G3BP1: variants seen among roughly 807,000 people sequenced by gnomAD.
The protein encoded by G3BP1 is ras GTPase-activating protein-binding protein 1.
G3BP1 carries 35 observed loss-of-function variants against 58.6 expected under a neutral mutation model. That is an observed-to-expected ratio of 0.60 (90% CI 0.46 to 0.79). The LOEUF (loss-of-function observed/expected upper bound fraction) is 0.79, where lower values mean the gene tolerates loss of function less well. G3BP1 is among the 30% of genes least tolerant of loss of function. The pLI is 0.00. For synonymous variants in G3BP1, 191 were observed against 195.4 expected, an observed-to-expected ratio of 0.98 and a Z score of 0.19; for missense variants, 523 against 580.8, an observed-to-expected ratio of 0.90 and a Z score of 1.02.
intron 1 of G3BP1, among the ~76,000 whole-genome samples, chr5:151,785,182 AGGATCTAGATTGTTACT>A (rs1762537066): frequency 6.6e-6 from 1 of 152,216 alleles, no homozygotes. Flanking sequence ...TCTAAGACTT[AGGATCTAGATTGTTACT>A]GATATGCTCA....
intron 2 of G3BP1, 55 bp downstream of exon 2, chr5:151,786,770 A>G (rs1332439606): frequency 1.1e-5 from 11 of 1,003,634 alleles, no homozygotes; most frequent in Non-Finnish European, 1.6e-5. Context: ...TGTGGTACTT[A>G]TCTTTGAGAT....
At chr5:151,788,144 G>C (rs1229123945) in intron 2 of G3BP1, among the ~76,000 whole-genome samples, 2 of 151,838 alleles carry the variant, frequency 1.3e-5, no homozygotes. Context: ...GAACTCCTGG[G>C]CTCAAGCAAT....
Position 151,792,198 on chromosome 5 carries a change from CA to C in G3BP1, c.351+1138del, listed in dbSNP as rs1465097654. ...TTCTTCCGGATTGGTCTAGACTGAA[CA>C]AGGTTAGGAATCCTGTCTGCTTAAG... is the stretch of plus-strand genomic sequence containing the variant. On this transcript the variant is annotated intron_variant, in intron 4 of 11. Transcript: ENST00000356245. 3.4e-5 allele frequency: 15 copies of C among 444,294 alleles called. No homozygotes were observed. In the Admixed American group the frequency reaches 3.7e-4, roughly 11 times the overall value. 27.5% of individuals were successfully genotyped at this position (444,294 alleles called of 1,614,324 possible). A position where few individuals can be genotyped will look rare whatever the true frequency, so the allele number is the denominator to read the frequency against.
intron 9 of G3BP1, 33 bp downstream of exon 9, chr5:151,800,033 G>C (rs780588680): frequency 4.3e-6 from 6 of 1,391,914 alleles, no homozygotes; most frequent in Non-Finnish European, 5.1e-6. Context: ...TCTCGTTTGG[G>C]GGATTTTGAG....
rs568593109 is a variant in G3BP1, at chr5:151,779,012, C to T, written c.-50+6976C>T. ...GTGGAGGTTGCGGTGAGCGCCACTG[C>T]ACTCCAGCCTGGGCGACAGTGGAAG... On this transcript the variant is annotated intron_variant, in intron 1 of 11. Coordinates refer to ENST00000356245, the MANE Select transcript of G3BP1 (RefSeq NM_005754.3). Among the ~76,000 whole-genome samples, 17 of 151,808 alleles carry T rather than the reference C, an allele frequency of 1.1e-4. No homozygotes were observed. In the East Asian group the frequency reaches 3.3e-3, roughly 30 times the overall value.
intron 11 of G3BP1, among the ~76,000 whole-genome samples, chr5:151,801,335 A>C (rs1215675304): frequency 6.6e-6 from 1 of 152,186 alleles, no homozygotes; most frequent in Non-Finnish European, 1.5e-5. Context: ...CCTACTTGGA[A>C]CCATCCTTAC....
intron 11 of G3BP1, among the ~76,000 whole-genome samples, chr5:151,801,237 T>C (rs1382499911): frequency 6.6e-6 from 1 of 152,212 alleles, no homozygotes; most frequent in Non-Finnish European, 1.5e-5. Flanking sequence ...AGGACAGTTT[T>C]GGTATACTGC....
At chr5:151,794,539 G>A (rs1762717550) in intron 5 of G3BP1, among the ~76,000 whole-genome samples, 2 of 152,204 alleles carry the variant, frequency 1.3e-5, no homozygotes. Flanking sequence ...GGATGTCATG[G>A]AGAAGGCTAG....
At chr5:151,772,675 A>G (rs1762291892) in intron 1 of G3BP1, 1 of 152,224 alleles carries the variant, frequency 6.6e-6, no homozygotes, top group South Asian at 2.1e-4. Flanking sequence ...CGAGGTGGGT[A>G]CGGCTATCCT....
At chr5:151,799,825 C>T (rs1762819726) in intron 8 of G3BP1, 64 bp from the exon 9 acceptor site, 2 of 925,904 alleles carry the variant, frequency 2.2e-6, no homozygotes, top group African/African-American at 1.7e-5. Context: ...AGCTAAGAAA[C>T]TTCATTAAGA....
chr5:151,800,463 A>G, intron 10 of G3BP1, 117 bp downstream of exon 10: 1 of 669,830 alleles, frequency 1.5e-6, no homozygotes, highest in Non-Finnish European at 2.4e-6. Context: ...ATGGTTAAAA[A>G]AAAAAAGGTA....
rs1762946037 is a variant in G3BP1, at chr5:151,806,900, A to G, written c.*2809A>G. ...TCCTGCCTTCCAAGTAGCCGGAACT[A>G]CAGGTGTGCACCATTGCACCTGGCC... On this transcript the variant is annotated 3_prime_UTR_variant, in exon 12 of 12. Coordinates refer to ENST00000356245, the MANE Select transcript of G3BP1 (RefSeq NM_005754.3). The G allele has an allele frequency of 1.3e-5, 2 of 152,094 alleles. No homozygotes were observed. The highest frequency in any genetic ancestry group is 2.1e-4 in the South Asian group (1 of 4,826). 9.4% of individuals were successfully genotyped at this position (152,094 alleles called of 1,614,324 possible).
At chr5:151,803,841 C>G (rs781112519) in intron 11 of G3BP1, 44 bp from the exon 12 acceptor site, 4 of 1,270,742 alleles carry the variant, frequency 3.1e-6, no homozygotes, top group Non-Finnish European at 4.6e-6. Context: ...TAGTGATAGC[C>G]AGCTCATCAG....
At chr5:151,790,451 A>G (rs753126323) in intron 3 of G3BP1, 47 bp downstream of exon 3, 1 of 1,023,736 alleles carries the variant, frequency 9.8e-7, no homozygotes, top group South Asian at 1.6e-5. Context: ...GTAGAAAATA[A>G]CTCATAAAAT....
At chr5:151,794,392 A>G in intron 5 of G3BP1, 143 bp downstream of exon 5, 1 of 596,414 alleles carries the variant, frequency 1.7e-6, no homozygotes, top group Middle Eastern at 4.4e-4. Context: ...GAAGAGTCTG[A>G]GGTTTTACCC....
intron 7 of G3BP1, among the ~76,000 whole-genome samples, chr5:151,798,755 A>G (rs898502501): frequency 1.3e-5 from 2 of 152,110 alleles, no homozygotes; most frequent in Non-Finnish European, 2.9e-5. Flanking sequence ...GCTTGAGTTT[A>G]GGAGTTCAAG....
chr5:151,804,922 A>G lies in G3BP1; in HGVS notation c.*831A>G, dbSNP rs1762916360. On this transcript the variant is annotated 3_prime_UTR_variant, in exon 12 of 12. Transcript: ENST00000356245. ...TTTATCTTTGATTTCAGTCTTGGCAATTGTTTAAAAAAAAAATCTAGATTT... is the reference window on the plus strand; with the variant it reads ...TTTATCTTTGATTTCAGTCTTGGCAGTTGTTTAAAAAAAAAATCTAGATTT... 1 of 152,468 alleles carries G rather than the reference A, an allele frequency of 6.6e-6. No individual in the cohort carries two copies. The highest frequency in any genetic ancestry group is 2.4e-5 in the African/African-American group (1 of 41,346). 9.4% of individuals were successfully genotyped at this position (152,468 alleles called of 1,614,324 possible).
At chr5:151,800,708 T>A in intron 10 of G3BP1, 52 bp from the exon 11 acceptor site, 1 of 1,061,016 alleles carries the variant, frequency 9.4e-7, no homozygotes, top group South Asian at 1.3e-5. Context: ...GTACATGTAA[T>A]GTTTAAAGAT....
chr5:151,808,234 C>CTA lies in G3BP1; in HGVS notation c.*4146_*4147dup, dbSNP rs1426585757. On this transcript the variant is annotated 3_prime_UTR_variant, in exon 12 of 12. Transcript: ENST00000356245. ...GGTGGGCCTGTCAACTCTTAACAGA[C>CTA]TATAGTAAAGGAGAGATGGTGGCAC... 4 of 152,112 alleles carry CTA rather than the reference C, an allele frequency of 2.6e-5. No individual in the cohort carries two copies. The highest frequency in any genetic ancestry group is 5.9e-5 in the Non-Finnish European group (4 of 68,012). The allele number at this position is 152,112 out of a possible 1,614,324, so 9.4% of individuals were successfully genotyped here.
Sources: gnomAD v4.1 joint callset for allele counts (sites outside exome capture counted in the v4.1 genomes callset) on GRCh38, gnomAD v4.1.1 for gene constraint, MANE v1.5 for transcripts, NCBI Gene and HGNC (gene_info 2026-07-23, HGNC 2026-07-21) for gene names.